Variants in PAXIP1 observed in about 807,000 individuals in gnomAD.
PAXIP1 encodes PAX-interacting protein 1.
A neutral mutation model predicts 140.6 loss-of-function variants in PAXIP1; 19 were observed. The observed-to-expected ratio is 0.14, with a 90% CI of 0.09 to 0.20. The LOEUF is 0.20. Among genes scored for constraint, PAXIP1 ranks in the 10% least tolerant of loss-of-function variants. PAXIP1 has a pLI of 1.00. For synonymous variants in PAXIP1, 442 were observed against 444.6 expected (o/e 0.99, Z 0.07); for missense variants, 920 against 1,208.6 (o/e 0.76, Z 3.54).
chr7:154,944,107 C>CCCGCA lies in PAXIP1; in HGVS notation c.*37_*41dup. 1 of 1,608,632 alleles carries CCCGCA rather than the reference C, an allele frequency of 6.2e-7. No individual in the cohort carries two copies. The highest frequency in any genetic ancestry group is 8.5e-7 in the Non-Finnish European group (1 of 1,176,266). On this transcript the variant is annotated 3_prime_UTR_variant, in exon 21 of 21. Transcript: ENST00000404141. ...GCTCCTCGCCAGCCAGACAGCCAGC[C>CCCGCA]CCGCACCGCAGGAGTCGACATGCAC...
intron 16 of PAXIP1, among the ~76,000 whole-genome samples, chr7:154,953,256 G>A (rs902751241): frequency 6.6e-5 from 10 of 152,132 alleles, no homozygotes; most frequent in African/African-American, 2.4e-4. Context: ...TTAAGGGGTC[G>A]GGGGCGAGGG....
intron 5 of PAXIP1, among the ~76,000 whole-genome samples, chr7:154,982,350 G>A (rs372333552): frequency 6.6e-6 from 1 of 152,042 alleles, no homozygotes; most frequent in African/African-American, 2.4e-5. Flanking sequence ...TGGACAGACT[G>A]CATTTCTTTT....
chr7:154,969,136 A>G lies in PAXIP1; in HGVS notation c.1075-10T>C. ...AAAGAGTCTGTAAGATCTACAAAAC[A>G]AAAGTTAGGTGAAACATTATCAACA... is the stretch of plus-strand genomic sequence containing the variant. On this transcript the variant is annotated splice_polypyrimidine_tract_variant and intron_variant, in intron 6 of 20. Coordinates refer to ENST00000404141, the MANE Select transcript of PAXIP1 (RefSeq NM_007349.4). The G allele has an allele frequency of 6.9e-7, 1 of 1,454,684 alleles. No individual in the cohort carries two copies. 90.1% of individuals were successfully genotyped at this position (1,454,684 alleles called of 1,614,324 possible). A position where few individuals can be genotyped will look rare whatever the true frequency, so the allele number is the denominator to read the frequency against.
chr7:154,961,857 G>C (rs1299672335), intron 10 of PAXIP1, among the ~76,000 whole-genome samples: 1 of 152,182 alleles, frequency 6.6e-6, no homozygotes, highest in Non-Finnish European at 1.5e-5. Flanking sequence ...CGGGGAGGAA[G>C]AAAAAGAATG....
intron 8 of PAXIP1, chr7:154,967,581 A>G (rs1221087209): frequency 4.1e-6 from 2 of 493,052 alleles, no homozygotes; most frequent in East Asian, 6.8e-5. Flanking sequence ...GCCCCCTGGA[A>G]TTTCCAAGCT....
chr7:154,953,573 C>T (rs576251514), intron 16 of PAXIP1, among the ~76,000 whole-genome samples: 1 of 152,302 alleles, frequency 6.6e-6, no homozygotes, highest in South Asian at 2.1e-4. Context: ...AGATGACGCA[C>T]TGGGGACACC....
intron 16 of PAXIP1, among the ~76,000 whole-genome samples, chr7:154,952,533 T>C (rs1344284113): frequency 1.3e-5 from 2 of 152,160 alleles, no homozygotes; most frequent in East Asian, 1.9e-4. Flanking sequence ...ATGGAGAAAA[T>C]ATGTGTCTCA....
chr7:154,991,180 C>T (rs1346517339), intron 3 of PAXIP1, 111 bp from the exon 4 acceptor site: 2 of 578,178 alleles, frequency 3.5e-6, no homozygotes, highest in Admixed American at 7.5e-5. Context: ...AAGAAAGAGA[C>T]AGACTTAAGA....
chr7:155,003,124 C>T lies in PAXIP1; in HGVS notation c.-195G>A, dbSNP rs1811015075. Reference sequence around the variant, plus strand: ...CCGCGCCCGCGCCGAGCGCCCGAAGCGCGGGAGCCGCGCGCGCCCTGCGGG... The same window carrying T: ...CCGCGCCCGCGCCGAGCGCCCGAAGTGCGGGAGCCGCGCGCGCCCTGCGGG... On this transcript the variant is annotated 5_prime_UTR_variant, in exon 1 of 21. Transcript: ENST00000404141. The T allele has an allele frequency of 6.5e-6, 1 of 153,756 alleles. No individual in the cohort carries two copies. Among genetic ancestry groups the T allele is most frequent in the African/African-American group, 2.4e-5 (1 of 41,104 alleles). The allele number at this position is 153,756 out of a possible 1,614,324, so 9.5% of individuals were successfully genotyped here.
At chr7:154,984,858 T>C (rs1399582486) in intron 4 of PAXIP1, among the ~76,000 whole-genome samples, 1 of 152,212 alleles carries the variant, frequency 6.6e-6, no homozygotes, top group African/African-American at 2.4e-5. Flanking sequence ...AAGTATTATT[T>C]TATTTTACTG....
At chr7:154,957,331 T>C in intron 13 of PAXIP1, 37 bp from the exon 14 acceptor site, 1 of 1,154,726 alleles carries the variant, frequency 8.7e-7, no homozygotes, top group Non-Finnish European at 1.3e-6. Context: ...ATTCAATCAA[T>C]CTACTAAGTA....
In PAXIP1 at chr7:154,945,965, C is replaced by T. The variant is rs1029938943; in HGVS notation, c.3194+400G>A. 3.4e-5 allele frequency: 33 copies of T among 984,988 alleles called. No homozygotes were observed. The Admixed American group carries it at 4.3e-4, about 13-fold the overall frequency. 61.0% of individuals were successfully genotyped at this position (984,988 alleles called of 1,614,324 possible). On this transcript the variant is annotated intron_variant, in intron 20 of 20. Coordinates refer to ENST00000404141, the MANE Select transcript of PAXIP1 (RefSeq NM_007349.4). ...ATTTAGTAGTAATTTATCTCCCATC[C>T]CAAAGTTCCTGAGTACAAAGACTAT...
intron 5 of PAXIP1, among the ~76,000 whole-genome samples, chr7:154,981,152 T>C (rs1330526074): frequency 6.6e-6 from 1 of 151,914 alleles, no homozygotes; most frequent in East Asian, 1.9e-4. Flanking sequence ...GGAATGGTAA[T>C]GTGTACAGAA....
intron 16 of PAXIP1, among the ~76,000 whole-genome samples, chr7:154,953,652 A>G (rs1299450270): frequency 1.3e-5 from 2 of 152,208 alleles, no homozygotes; most frequent in African/African-American, 4.8e-5. Flanking sequence ...CCCTGGCTAT[A>G]CAACCTCCAT....
chr7:154,967,285 C>T (rs553734099), intron 8 of PAXIP1: 278 of 153,096 alleles, frequency 1.8e-3, no homozygotes, highest in Non-Finnish European at 3.0e-3. Flanking sequence ...TATTTAAACT[C>T]GGTTTTTATA....
chr7:154,977,262 A>G (rs377692006), intron 5 of PAXIP1, among the ~76,000 whole-genome samples: 24 of 152,384 alleles, frequency 1.6e-4, no homozygotes, highest in East Asian at 9.6e-4. Context: ...ATATGACAAT[A>G]AAGTAACCTT....
At chr7:154,997,934 T>C (rs1011190733) in intron 2 of PAXIP1, among the ~76,000 whole-genome samples, 14 of 152,248 alleles carry the variant, frequency 9.2e-5, no homozygotes, top group African/African-American at 3.4e-4. Flanking sequence ...CGACAGGCCT[T>C]AGCCTGCTTT....
chr7:154,951,014 A>T (rs1427210023), intron 16 of PAXIP1: 1 of 152,384 alleles, frequency 6.6e-6, no homozygotes, highest in Non-Finnish European at 1.5e-5. Flanking sequence ...TTTTCAGGGC[A>T]GTGGAACAAC....
In PAXIP1 at chr7:154,968,932, C is replaced by G; in HGVS notation, c.1269G>C (p.Gln423His). Residue 423 changes from glutamine to histidine, a missense_variant, in exon 7 of 21, where the codon CAG becomes CAC. By Grantham distance (24) the Gln-to-His change is conservative. Coordinates refer to ENST00000404141, the MANE Select transcript of PAXIP1 (RefSeq NM_007349.4). ...GCTGCTGCTGCTGGAGCTGCATTATCTGCTGGGGCTGAAGGTGTAAAACCG... is the reference window on the plus strand; with the variant it reads ...GCTGCTGCTGCTGGAGCTGCATTATGTGCTGGGGCTGAAGGTGTAAAACCG... ...QHPVLHLQPQ[Q>H]IMQLQQQQQQ... 6.9e-7 allele frequency: 1 copy of G among 1,440,752 alleles called. No individual in the cohort carries two copies. The allele number at this position is 1,440,752 out of a possible 1,614,324, so 89.2% of individuals were successfully genotyped here.
Sources: gnomAD v4.1 joint callset for allele counts (sites outside exome capture counted in the v4.1 genomes callset) on GRCh38, gnomAD v4.1.1 for gene constraint, MANE v1.5 for transcripts, NCBI Gene and HGNC (gene_info 2026-07-23, HGNC 2026-07-21) for gene names.